The following NCLN variants were observed in gnomAD, a reference collection of about 807,000 sequenced individuals.
The protein encoded by NCLN is nicalin.
In NCLN, 34 loss-of-function variants were observed where a neutral mutation model predicts 69.5. That is an observed-to-expected ratio of 0.49 (90% CI 0.37 to 0.65). The LOEUF (loss-of-function observed/expected upper bound fraction) is 0.65, where lower values mean the gene tolerates loss of function less well. NCLN is among the 30% of genes least tolerant of loss of function. NCLN has a pLI of 0.00. For missense variants in NCLN, 710 were observed against 804.8 expected (o/e 0.88, Z 1.42); for synonymous variants, 393 against 358.3 (o/e 1.10, Z -1.09).
intron 4 of NCLN, among the ~76,000 whole-genome samples, chr19:3,197,672 G>GT (rs946677104): frequency 8.0e-5 from 12 of 150,396 alleles, no homozygotes; most frequent in African/African-American, 2.9e-4. Context: ...CTAGGCTGGA[G>GT]TGCAATGGTG....
intron 2 of NCLN, 110 bp from the exon 3 acceptor site, chr19:3,193,174 G>A (rs1915873382): frequency 4.7e-6 from 5 of 1,062,428 alleles, no homozygotes; most frequent in Non-Finnish European, 6.8e-6. Flanking sequence ...CCCCTCCAGG[G>A]ACAGTCACTG....
In NCLN at chr19:3,198,805, CTCTA is replaced by C. The variant is rs772316252; in HGVS notation, c.616-9_616-6del. The C allele has an allele frequency of 5.7e-6, 9 of 1,577,932 alleles. No homozygotes were observed. The African/African-American group carries it at 8.3e-5, about 15-fold the overall frequency. ...GGAACAGCCAGGCCATTCCCCTGCT[CTCTA>C]TCCACAGGGGCGGCTGACGGGGCTG... is the stretch of plus-strand genomic sequence containing the variant. On this transcript the variant is annotated splice_polypyrimidine_tract_variant and splice_region_variant and intron_variant, in intron 4 of 14. Transcript: ENST00000246117.
At chr19:3,201,496 G>A in intron 5 of NCLN, 27 bp from the exon 6 acceptor site, 1 of 1,521,030 alleles carries the variant, frequency 6.6e-7, no homozygotes, top group Non-Finnish European at 8.8e-7. Context: ...GGGGGTGACT[G>A]TGGCCTTGCC....
chr19:3,203,669 C>T (rs2144915713), intron 6 of NCLN, 87 bp from the exon 7 acceptor site: 2 of 1,237,480 alleles, frequency 1.6e-6, no homozygotes, highest in South Asian at 1.4e-5. Flanking sequence ...CCTTCATACC[C>T]TTCCTGGGGG....
rs143784652 is a variant in NCLN, at chr19:3,198,706, G to A, written c.616-111G>A. The A allele has an allele frequency of 1.7e-3, 1,303 of 774,428 alleles. 11 individuals are homozygous for A. The African/African-American group carries it at 0.021, about 13-fold the overall frequency. 48.0% of individuals were successfully genotyped at this position (774,428 alleles called of 1,614,324 possible). On this transcript the variant is annotated intron_variant, in intron 4 of 14. Coordinates refer to ENST00000246117, the MANE Select transcript of NCLN (RefSeq NM_020170.4). ...GTCCTCAGTGCTGAGGCCGATGCTG[G>A]CACCCAGCGGACGGGCCCCACGTGG...
In NCLN at chr19:3,190,511, C is replaced by T. The variant is rs368780132; in HGVS notation, c.185-1959C>T. Among the ~76,000 whole-genome samples, 3 of 152,226 alleles carry T rather than the reference C, an allele frequency of 2.0e-5. No individual in the cohort carries two copies. In the South Asian group the frequency reaches 6.2e-4, roughly 31 times the overall value. ...TTCCCAGACAGCACATTGCTGGACA[C>T]AGAGCTGGGGACTCATGCACGCCCC... On this transcript the variant is annotated intron_variant, in intron 1 of 14. Coordinates refer to ENST00000246117, the MANE Select transcript of NCLN (RefSeq NM_020170.4).
chr19:3,203,575 G>C (rs1193572502), intron 6 of NCLN, among the ~76,000 whole-genome samples, 181 bp from the exon 7 acceptor site: 1 of 152,178 alleles, frequency 6.6e-6, no homozygotes, highest in Non-Finnish European at 1.5e-5. Flanking sequence ...TCACCTCAGA[G>C]AACCATCCAG....
At chr19:3,191,430 C>T (rs1314858353) in intron 1 of NCLN, among the ~76,000 whole-genome samples, 1 of 152,194 alleles carries the variant, frequency 6.6e-6, no homozygotes, top group African/African-American at 2.4e-5. Context: ...GCCCCAGAGA[C>T]ACCATAGCCC....
In NCLN at chr19:3,207,692, A is replaced by T. The variant is rs1204994068; in HGVS notation, c.*4A>T. The T allele has an allele frequency of 6.2e-7, 1 of 1,611,000 alleles. No homozygotes were observed. Among genetic ancestry groups the T allele is most frequent in the Admixed American group, 1.7e-5 (1 of 60,014 alleles). On this transcript the variant is annotated 3_prime_UTR_variant, in exon 15 of 15. Coordinates refer to ENST00000246117, the MANE Select transcript of NCLN (RefSeq NM_020170.4). ...CGTGAAGGCCAAGACACAGTGACAC[A>T]GCCACCCCCACAGCCGGAGCCCCCG... is the stretch of plus-strand genomic sequence containing the variant.
chr19:3,192,185 C>G (rs1915842375), intron 1 of NCLN, among the ~76,000 whole-genome samples: 1 of 152,170 alleles, frequency 6.6e-6, no homozygotes, highest in Non-Finnish European at 1.5e-5. Context: ...GAGACCCTGT[C>G]TCAAAAACAA....
Position 3,196,163 on chromosome 19 carries a change from C to A in NCLN, c.521-20C>A. On this transcript the variant is annotated intron_variant, in intron 3 of 14. Coordinates refer to ENST00000246117, the MANE Select transcript of NCLN (RefSeq NM_020170.4). ...GGCCCTGGCTGGGCCAAGGCTGATG[C>A]GCCCTCTCCCTCTCCCTAGTACTGC... 1 of 1,518,896 alleles carries A rather than the reference C, an allele frequency of 6.6e-7. No homozygotes were observed. Among genetic ancestry groups the A allele is most frequent in the Non-Finnish European group, 8.9e-7 (1 of 1,123,814 alleles). 94.1% of individuals were successfully genotyped at this position (1,518,896 alleles called of 1,614,324 possible). A position where few individuals can be genotyped will look rare whatever the true frequency, so the allele number is the denominator to read the frequency against.
chr19:3,195,936 G>A (rs757047660), intron 3 of NCLN, among the ~76,000 whole-genome samples: 1 of 152,204 alleles, frequency 6.6e-6, no homozygotes, highest in Non-Finnish European at 1.5e-5. Context: ...GGGAGGAAAG[G>A]ATCAGAATGG....
chr19:3,205,280 G>T lies in NCLN; in HGVS notation c.1208+529G>T, dbSNP rs1002185377. Among the ~76,000 whole-genome samples, 1 of 152,222 alleles carries T rather than the reference G, an allele frequency of 6.6e-6. No homozygotes were observed. The highest frequency in any genetic ancestry group is 2.4e-5 in the African/African-American group (1 of 41,454). On this transcript the variant is annotated intron_variant, in intron 9 of 14. Transcript: ENST00000246117. The surrounding 1 kb of genome is among the most constrained non-coding windows in gnomAD (Gnocchi z 4.6). Reference sequence around the variant, plus strand: ...GCCACCCCAGGCACACTCCTGGCCAGTCCTGGCACCAGCAGGTGGGCGCCG... The same window carrying T: ...GCCACCCCAGGCACACTCCTGGCCATTCCTGGCACCAGCAGGTGGGCGCCG...
chr19:3,191,286 A>G (rs1599349063), intron 1 of NCLN, among the ~76,000 whole-genome samples: 1 of 152,128 alleles, frequency 6.6e-6, no homozygotes. Flanking sequence ...GGCAGCGGCG[A>G]AACCAGAAGC....
At chr19:3,192,176 A>G (rs1044907255) in intron 1 of NCLN, among the ~76,000 whole-genome samples, 1 of 152,216 alleles carries the variant, frequency 6.6e-6, no homozygotes, top group Non-Finnish European at 1.5e-5. Context: ...CAACAGAGTG[A>G]GACCCTGTCT....
rs1272908159 is a variant in NCLN at position 3,207,949 on chromosome 19, CG to C, written c.*263del. ...GTCCCGGGGCCAGGCTACGGACTTG[CG>C]GACGAGCCCCCCAGTCCTGGGAGCC... is the stretch of plus-strand genomic sequence containing the variant. On this transcript the variant is annotated 3_prime_UTR_variant, in exon 15 of 15. Coordinates refer to ENST00000246117, the MANE Select transcript of NCLN (RefSeq NM_020170.4). 2 of 493,344 alleles carry C rather than the reference CG, an allele frequency of 4.1e-6. No individual in the cohort carries two copies. The highest frequency in any genetic ancestry group is 7.3e-6 in the Non-Finnish European group (2 of 273,674). 30.6% of individuals were successfully genotyped at this position (493,344 alleles called of 1,614,324 possible).
rs766978181 is a variant in NCLN at position 3,186,148 on chromosome 19, G to T, written c.118G>T (p.Ala40Ser). ...LLLVAPPLPA[A>S]DAAHEFTVYR... ...GCTGGTGGCGCCGCCGCTGCCTGCC[G>T]CCGACGCCGCGCACGAGTTCACCGT... Residue 40 changes from alanine (A) to serine (S), a missense_variant, in exon 1 of 15, where the codon GCC (alanine) becomes TCC (serine). Transcript: ENST00000246117. The T allele has an allele frequency of 1.3e-6, 2 of 1,595,488 alleles. No individual in the cohort carries two copies. The highest frequency in any genetic ancestry group is 2.4e-5 in the East Asian group (1 of 42,170).
rs940666862 is a variant in NCLN, at chr19:3,196,343, C to T, written c.615+66C>T. The T allele has an allele frequency of 1.7e-5, 21 of 1,230,854 alleles. No individual in the cohort carries two copies. The South Asian group carries it at 2.6e-4, about 15-fold the overall frequency. The allele number at this position is 1,230,854 out of a possible 1,614,324, so 76.2% of individuals were successfully genotyped here. A position where few individuals can be genotyped will look rare whatever the true frequency, so the allele number is the denominator to read the frequency against. On this transcript the variant is annotated intron_variant, in intron 4 of 14. Transcript: ENST00000246117. ...GGGTTCCTGCCATCCGCCTGGCTCC[C>T]CGGCTCGGCCGTACTAGAGGGGAGC...
chr19:3,206,229 G>C, intron 11 of NCLN, 33 bp from the exon 12 acceptor site: 1 of 1,408,662 alleles, frequency 7.1e-7, no homozygotes, highest in Non-Finnish European at 9.7e-7. Context: ...GGTGGGCGGG[G>C]CCAGGCCATG....
Sources: gnomAD v4.1 joint callset for allele counts (sites outside exome capture counted in the v4.1 genomes callset) on GRCh38, gnomAD v4.1.1 for gene constraint, Gnocchi (gnomAD v3.1) non-coding constraint, MANE v1.5 for transcripts, NCBI Gene and HGNC (gene_info 2026-07-23, HGNC 2026-07-21) for gene names.